TAP1: variants seen among roughly 807,000 people sequenced by gnomAD.
TAP1 encodes transporter 1, ATP binding cassette subfamily B member.
In TAP1, 56 loss-of-function variants were observed where a neutral mutation model predicts 79.3. The observed-to-expected ratio is 0.71, with a 90% confidence interval of 0.57 to 0.88. The LOEUF (loss-of-function observed/expected upper bound fraction) is 0.88. Among genes scored for constraint, TAP1 ranks in the 40% least tolerant of loss-of-function variants. The probability of loss-of-function intolerance (pLI) is 0.00; values close to 1 mark genes in which losing one functional copy is unlikely to be tolerated. For synonymous variants in TAP1, 355 were observed against 401.4 expected (o/e 0.88, Z 1.38); for missense variants, 737 against 936.3 (o/e 0.79, Z 2.78).
Position 32,845,859 on chromosome 6 carries a change from G to T in TAP1, c.2041-74C>A. 1.5e-6 allele frequency: 2 copies of T among 1,302,368 alleles called. No individual in the cohort carries two copies. The highest frequency in any genetic ancestry group is 2.2e-6 in the Non-Finnish European group (2 of 924,280). The allele number at this position is 1,302,368 out of a possible 1,614,324, so 80.7% of individuals were successfully genotyped here. A position where few individuals can be genotyped will look rare whatever the true frequency, so the allele number is the denominator to read the frequency against. ...GGGAGACACCTGTGTTTCCAGGGCT[G>T]GGACTGACCTCACAGGATCACTGCT... On this transcript the variant is annotated intron_variant, in intron 10 of 10. Coordinates refer to ENST00000354258, the MANE Select transcript of TAP1 (RefSeq NM_000593.6). This position sits in a 1 kb window ranked among gnomAD's most constrained non-coding sequence, Gnocchi z 4.5.
intron 5 of TAP1, chr6:32,849,505 G>T (rs1331161253): frequency 3.0e-6 from 1 of 330,274 alleles, no homozygotes; most frequent in Non-Finnish European, 5.8e-6. Flanking sequence ...ACTTTGGGAG[G>T]CCGAAGTGGG....
chr6:32,846,984 TATG>T, intron 10 of TAP1, 81 bp downstream of exon 10: 2 of 1,589,872 alleles, frequency 1.3e-6, no homozygotes, highest in South Asian at 1.1e-5. Flanking sequence ...TTTGTATAAT[TATG>T]ATGTTAGTAA....
rs74897484 is a variant in TAP1, at chr6:32,845,644, G to T, written c.2182C>A (p.Gln728Lys). 3,258 of 1,613,096 alleles carry T rather than the reference G, an allele frequency of 2.0e-3. 60 individuals carry two copies. In the South Asian group the frequency reaches 0.025, roughly 12 times the overall value. ...GAIREGGTHQQLMEKKGCYWA... is the reference protein window; with the variant it reads ...GAIREGGTHQKLMEKKGCYWA... ...TAGCACCCCTTTTTCTCCATGAGCT[G>T]CTGGTGGGTTCCCCCCTCCCGGATA... is the stretch of plus-strand genomic sequence containing the variant. Residue 728 changes from glutamine (Q) to lysine (K), a missense_variant, in exon 11 of 11, where the codon CAG becomes AAG. Gln to Lys is a moderately conservative substitution (Grantham distance 53). This residue lies in a region of TAP1 where 266 missense variants were observed against 332.4 expected (regional missense o/e 0.80). Transcript: ENST00000354258. This position sits in a 1 kb window ranked among gnomAD's most constrained non-coding sequence, Gnocchi z 4.5.
In TAP1 at chr6:32,850,220, T is replaced by C; in HGVS notation, c.1248+100A>G. The C allele has an allele frequency of 7.5e-7, 1 of 1,334,324 alleles. No individual in the cohort carries two copies. The highest frequency in any genetic ancestry group is 2.3e-5 in the East Asian group (1 of 43,554). 82.7% of individuals were successfully genotyped at this position (1,334,324 alleles called of 1,614,324 possible). ...TAGGACGAAAATACTGAACCAACCA[T>C]TTCCCAGTAAAGGAGGAGTGGGAGC... On this transcript the variant is annotated intron_variant, in intron 5 of 10. Transcript: ENST00000354258. The surrounding 1 kb of genome is among the most constrained non-coding windows in gnomAD (Gnocchi z 5.5).
At position 32,852,764 on chromosome 6, in the gene TAP1, T is replaced by A. The variant is rs972992458; in HGVS notation, c.599-262A>T. 2.0e-5 allele frequency: 29 copies of A among 1,441,612 alleles called. No homozygotes were observed. Among genetic ancestry groups the A allele is most frequent in the Non-Finnish European group, 2.4e-5 (26 of 1,105,858 alleles). 89.3% of individuals were successfully genotyped at this position (1,441,612 alleles called of 1,614,324 possible). On this transcript the variant is annotated intron_variant, in intron 1 of 10. Coordinates refer to ENST00000354258, the MANE Select transcript of TAP1 (RefSeq NM_000593.6). The surrounding 1 kb of genome is among the most constrained non-coding windows in gnomAD (Gnocchi z 4.8). ...AAAAGCCTCCTGTTAGAGATGAGGA[T>A]GCCCCGCCCTTCGGCCCCAGAGCAA...
At chr6:32,848,545 T>C in intron 7 of TAP1, 107 bp downstream of exon 7, 1 of 1,227,468 alleles carries the variant, frequency 8.1e-7, no homozygotes, top group Non-Finnish European at 1.2e-6. Context: ...TTTAAAGGGT[T>C]AGGGAGGATA....
intron 10 of TAP1, among the ~76,000 whole-genome samples, 173 bp downstream of exon 10, chr6:32,846,895 T>G (rs1404406981): frequency 6.6e-6 from 1 of 152,204 alleles, no homozygotes; most frequent in Non-Finnish European, 1.5e-5. Context: ...CTAGGTGTCT[T>G]TGCCTCGTCT....
Position 32,852,124 on chromosome 6 carries a change from G to T in TAP1, c.829C>A (p.Gln277Lys). 6.2e-7 allele frequency: 1 copy of T among 1,613,004 alleles called. No homozygotes were observed. The highest frequency in any genetic ancestry group is 8.5e-7 in the Non-Finnish European group (1 of 1,180,016). The change falls in exon 3 of 11, where the codon CAA becomes AAA. Residue 277 changes from glutamine (Q) to lysine (K), a missense_variant. Physicochemically the swap from Gln to Lys is moderately conservative, Grantham distance 53 (BLOSUM62 1). Around this residue, in one of 5 missense-constraint regions of TAP1, gnomAD observed 406 missense variants for 477.2 expected, o/e 0.85. Coordinates refer to ENST00000354258, the MANE Select transcript of TAP1 (RefSeq NM_000593.6). This position sits in a 1 kb window ranked among gnomAD's most constrained non-coding sequence, Gnocchi z 4.8. ...CAGGAGAAACCTGTCTGGTTCTGTT[G>T]GAAAAACTCCGTCTCCTGGCGCAGG... ...AVLRQETEFF[Q>K]QNQTGNIMSR... is the part of the protein sequence containing the mutation.
Position 32,852,523 on chromosome 6 carries a change from T to C in TAP1, c.599-21A>G. 1 of 1,611,076 alleles carries C rather than the reference T, an allele frequency of 6.2e-7. No individual in the cohort carries two copies. The highest frequency in any genetic ancestry group is 1.7e-5 in the Admixed American group (1 of 59,932). ...CTCCCCTGGAGAAAGAGAAGAGAGGTCACGCACAAATATTAAGTCTAAGTA... is the reference window on the plus strand; with the variant it reads ...CTCCCCTGGAGAAAGAGAAGAGAGGCCACGCACAAATATTAAGTCTAAGTA... On this transcript the variant is annotated intron_variant, in intron 1 of 10. Transcript: ENST00000354258. This position sits in a 1 kb window ranked among gnomAD's most constrained non-coding sequence, Gnocchi z 4.8.
Position 32,848,832 on chromosome 6 carries a change from G to C in TAP1, c.1386C>G (p.Leu462=). 6.2e-7 allele frequency: 1 copy of C among 1,613,960 alleles called. No individual in the cohort carries two copies. Among genetic ancestry groups the C allele is most frequent in the Non-Finnish European group, 8.5e-7 (1 of 1,180,026 alleles). Residue 462 remains leucine, a synonymous_variant, in exon 7 of 11, where the codon CTC becomes CTG. Transcript: ENST00000354258. Reference sequence around the variant, plus strand: ...CCTTCTGTACTCTGGGGTAGATGGAGAGCAGTACCTAGAGGGAGGTAAGAA... The same window carrying C: ...CCTTCTGTACTCTGGGGTAGATGGACAGCAGTACCTAGAGGGAGGTAAGAA... ...MQFTQAVEVL[L]SIYPRVQKAV... is the part of the protein sequence containing the mutation.
At position 32,845,322 on chromosome 6, in the gene TAP1, T is replaced by C. The variant is rs1562358968; in HGVS notation, c.*257A>G. The C allele has an allele frequency of 2.9e-5, 17 of 594,054 alleles. No homozygotes were observed. In the East Asian group the frequency reaches 4.2e-4, roughly 15 times the overall value. The allele number at this position is 594,054 out of a possible 1,614,324, so 36.8% of individuals were successfully genotyped here. A position where few individuals can be genotyped will look rare whatever the true frequency, so the allele number is the denominator to read the frequency against. ...ATCATCTTTCCGTACATTCTGAACA[T>C]TTCTCAGTTTCAGAGTGCTGGCCAC... On this transcript the variant is annotated 3_prime_UTR_variant, in exon 11 of 11. Coordinates refer to ENST00000354258, the MANE Select transcript of TAP1 (RefSeq NM_000593.6). This position sits in a 1 kb window ranked among gnomAD's most constrained non-coding sequence, Gnocchi z 4.5.
rs144951468 is a variant in TAP1, at chr6:32,848,066, G to A, written c.1593C>T (p.Gly531=). 312 of 1,611,186 alleles carry A rather than the reference G, an allele frequency of 1.9e-4. 1 individual carries two copies. The highest frequency in any genetic ancestry group is 1.3e-3 in the African/African-American group (100 of 74,952). The part of the protein sequence containing the change: ...LQGLTFTLRP[G]EVTALVGPNG... ...TGGGTCCCACCAGCGCCGTCACCTC[G>A]CCAGGGCGTAGGGTGAATGTCAGCC... The change falls in exon 8 of 11, where the codon GGC becomes GGT. Residue 531 remains glycine (G), a synonymous_variant. Coordinates refer to ENST00000354258, the MANE Select transcript of TAP1 (RefSeq NM_000593.6).
chr6:32,853,261 C>A lies in TAP1; in HGVS notation c.376G>T (p.Asp126Tyr). 6.3e-7 allele frequency: 1 copy of A among 1,595,158 alleles called. No homozygotes were observed. The highest frequency in any genetic ancestry group is 8.5e-7 in the Non-Finnish European group (1 of 1,170,424). ...LISWGAPGSA[D>Y]STRLLHWGSH... ...CCCCAGTGCAGTAGCCTGGTGCTAT[C>A]CGCGGACCCGGGGGCTCCCCATGAG... The change falls in exon 1 of 11, where the codon GAT becomes TAT. Residue 126 changes from aspartate (D) to tyrosine (Y), a missense_variant. By Grantham distance (160) the Asp-to-Tyr change is radical. Coordinates refer to ENST00000354258, the MANE Select transcript of TAP1 (RefSeq NM_000593.6). The surrounding 1 kb of genome is among the most constrained non-coding windows in gnomAD (Gnocchi z 8.3).
At position 32,847,932 on chromosome 6, in the gene TAP1, T is replaced by C. The variant is rs1328042727; in HGVS notation, c.1727A>G (p.Tyr576Cys). The C allele has an allele frequency of 1.2e-6, 2 of 1,613,006 alleles. No homozygotes were observed. Among genetic ancestry groups the C allele is most frequent in the Non-Finnish European group, 1.7e-6 (2 of 1,180,048 alleles). ...GKPLPQYEHR[Y>C]LHRQVAAVGQ... is the part of the protein sequence containing the mutation. Reference sequence around the variant, plus strand: ...CTGCTTCCATACCTGCCTGTGCAGGTAGCGGTGCTCATATTGGGGAAGGGG... The same window carrying C: ...CTGCTTCCATACCTGCCTGTGCAGGCAGCGGTGCTCATATTGGGGAAGGGG... Residue 576 changes from tyrosine (Y) to cysteine (C), a missense_variant, in exon 8 of 11, where the codon TAC (tyrosine) becomes TGC (cysteine). Physicochemically the swap from Tyr to Cys is radical, Grantham distance 194. Coordinates refer to ENST00000354258, the MANE Select transcript of TAP1 (RefSeq NM_000593.6). The surrounding 1 kb of genome is among the most constrained non-coding windows in gnomAD (Gnocchi z 4.7).
rs1245699286 is a variant in TAP1 at position 32,845,561 on chromosome 6, G to A, written c.*18C>T. The A allele has an allele frequency of 3.7e-6, 6 of 1,611,918 alleles. No individual in the cohort carries two copies. The highest frequency in any genetic ancestry group is 5.1e-6 in the Non-Finnish European group (6 of 1,179,128). On this transcript the variant is annotated 3_prime_UTR_variant, in exon 11 of 11. Coordinates refer to ENST00000354258, the MANE Select transcript of TAP1 (RefSeq NM_000593.6). The surrounding 1 kb of genome is among the most constrained non-coding windows in gnomAD (Gnocchi z 4.5). ...AAGAAAAGGGAGGGAGATGGAGTGCGCAGGTCTGAGAAGGCTTTCATTCTG... is the reference window on the plus strand; with the variant it reads ...AAGAAAAGGGAGGGAGATGGAGTGCACAGGTCTGAGAAGGCTTTCATTCTG...
rs545594615 is a variant in TAP1 at position 32,851,119 on chromosome 6, G to A, written c.875C>T (p.Thr292Met). 20 of 1,612,960 alleles carry A rather than the reference G, an allele frequency of 1.2e-5. No individual in the cohort carries two copies. Among genetic ancestry groups the A allele is most frequent in the African/African-American group, 5.3e-5 (4 of 74,990 alleles). ...ACTCAGAGAATCACTCAGGGTGGAC[G>A]TGTCCTCTGTTACCCGAGACATGAT... is the stretch of plus-strand genomic sequence containing the variant. ...GNIMSRVTEDTSTLSDSLSEN... is the reference protein window; with the variant it reads ...GNIMSRVTEDMSTLSDSLSEN... The change falls in exon 4 of 11, where the codon ACG becomes ATG. Residue 292 changes from threonine to methionine, a missense_variant. Thr to Met is a moderately conservative substitution (Grantham distance 81). Around this residue, in one of 5 missense-constraint regions of TAP1, gnomAD observed 406 missense variants for 477.2 expected, o/e 0.85. Coordinates refer to ENST00000354258, the MANE Select transcript of TAP1 (RefSeq NM_000593.6). This position sits in a 1 kb window ranked among gnomAD's most constrained non-coding sequence, Gnocchi z 4.8.
chr6:32,845,665 G>A lies in TAP1; in HGVS notation c.2161C>T (p.Arg721Trp), dbSNP rs1770323576. Residue 721 changes from arginine (R) to tryptophan (W), a missense_variant, in exon 11 of 11, where the codon CGG becomes TGG. Arg to Trp is a moderately radical substitution (Grantham distance 101, BLOSUM62 -3). This residue lies in a region of TAP1 where 266 missense variants were observed against 332.4 expected (regional missense o/e 0.80). Coordinates refer to ENST00000354258, the MANE Select transcript of TAP1 (RefSeq NM_000593.6). The surrounding 1 kb of genome is among the most constrained non-coding windows in gnomAD (Gnocchi z 4.5). ...HILFLEGGAI[R>W]EGGTHQQLME... ...AGCTGCTGGTGGGTTCCCCCCTCCCGGATAGCGCCTCCTTCCAGAAAGAGG... is the reference window on the plus strand; with the variant it reads ...AGCTGCTGGTGGGTTCCCCCCTCCCAGATAGCGCCTCCTTCCAGAAAGAGG... 8.1e-6 allele frequency: 13 copies of A among 1,613,046 alleles called. No homozygotes were observed. The highest frequency in any genetic ancestry group is 2.7e-5 in the African/African-American group (2 of 75,026).
intron 10 of TAP1, among the ~76,000 whole-genome samples, chr6:32,846,694 C>T (rs1190074499): frequency 6.6e-6 from 1 of 152,030 alleles, no homozygotes; most frequent in Admixed American, 6.5e-5. Flanking sequence ...TGGTGTACAC[C>T]TGTAGTCCCA....
Position 32,847,756 on chromosome 6 carries a change from T to A in TAP1, c.1741-81A>T. 1 of 1,583,186 alleles carries A rather than the reference T, an allele frequency of 6.3e-7. No individual in the cohort carries two copies. Among genetic ancestry groups the A allele is most frequent in the South Asian group, 1.1e-5 (1 of 90,386 alleles). ...CTAGAGATCGAAGACTCAAAATCTTTATTGAGAACATGTCACAAAATCATA... is the reference window on the plus strand; with the variant it reads ...CTAGAGATCGAAGACTCAAAATCTTAATTGAGAACATGTCACAAAATCATA... On this transcript the variant is annotated intron_variant, in intron 8 of 10. Coordinates refer to ENST00000354258, the MANE Select transcript of TAP1 (RefSeq NM_000593.6). This position sits in a 1 kb window ranked among gnomAD's most constrained non-coding sequence, Gnocchi z 4.7.
Sources: gnomAD v4.1 joint callset for allele counts (sites outside exome capture counted in the v4.1 genomes callset) on GRCh38, gnomAD v4.1.1 for gene constraint, gnomAD v4.1.1 regional missense constraint, Gnocchi (gnomAD v3.1) non-coding constraint, MANE v1.5 for transcripts, NCBI Gene and HGNC (gene_info 2026-07-23, HGNC 2026-07-21) for gene names.